SRGAP1: variants seen among roughly 807,000 people sequenced by gnomAD.
SRGAP1 encodes the protein SLIT-ROBO Rho GTPase-activating protein 1.
SRGAP1 carries 43 observed loss-of-function variants against 121.9 expected under a neutral mutation model. The ratio of observed to expected loss-of-function variants is 0.35; its 90% CI spans 0.28 to 0.46. The LOEUF is 0.46. Ranked by LOEUF, SRGAP1 falls within the 20% of genes least tolerant of loss-of-function variation. The pLI is 1.00. For synonymous variants in SRGAP1, 447 were observed against 485.4 expected (o/e 0.92, Z 1.04); for missense variants, 1,102 against 1,350.9 (o/e 0.82, Z 2.89).
chr12:64,091,439 C>G lies in SRGAP1; in HGVS notation c.1539+61C>G, dbSNP rs1163096438. 8 of 1,265,384 alleles carry G rather than the reference C, an allele frequency of 6.3e-6. No individual in the cohort carries two copies. The Admixed American group carries it at 1.5e-4, about 24-fold the overall frequency. 78.4% of individuals were successfully genotyped at this position (1,265,384 alleles called of 1,614,324 possible). A position where few individuals can be genotyped will look rare whatever the true frequency, so the allele number is the denominator to read the frequency against. On this transcript the variant is annotated intron_variant, in intron 12 of 21. Transcript: ENST00000355086. ...TGCTTCTTACTATAATGGTCTCAGC[C>G]TCTTGTAAGAGGAGGAAGGTCATTA...
At chr12:63,908,579 A>T (rs552313260) in intron 1 of SRGAP1, among the ~76,000 whole-genome samples, 1 of 152,258 alleles carries the variant, frequency 6.6e-6, no homozygotes, top group East Asian at 1.9e-4. Context: ...TAGTAGAGAC[A>T]GGGTTTCACC....
chr12:64,041,395 ATTTT>A (rs869132075), intron 4 of SRGAP1, among the ~76,000 whole-genome samples: 3,703 of 114,750 alleles, frequency 0.032, 160 homozygotes, highest in African/African-American at 0.12. Flanking sequence ...TTATTTATTT[ATTTT>A]TTTGAGGCAA....
intron 1 of SRGAP1, among the ~76,000 whole-genome samples, chr12:63,853,915 C>A (rs1592883193): frequency 1.3e-5 from 2 of 152,276 alleles, no homozygotes; most frequent in Admixed American, 1.3e-4. Context: ...CATGGGACAA[C>A]CAAATTTCTC....
chr12:64,087,034 A>C lies in SRGAP1; in HGVS notation c.1436+8A>C, dbSNP rs766324747. 1 of 1,582,736 alleles carries C rather than the reference A, an allele frequency of 6.3e-7. No homozygotes were observed. Among genetic ancestry groups the C allele is most frequent in the Non-Finnish European group, 8.6e-7 (1 of 1,160,646 alleles). On this transcript the variant is annotated splice_region_variant and intron_variant, in intron 11 of 21. Transcript: ENST00000355086. ...TGAATATATGACTACAAGGTAGGAA[A>C]ATATTTTATCATAACTTATAGCGTA...
chr12:64,024,596 A>C (rs1223932407), intron 4 of SRGAP1, among the ~76,000 whole-genome samples: 1 of 152,126 alleles, frequency 6.6e-6, no homozygotes, highest in African/African-American at 2.4e-5. Flanking sequence ...GCTCCATTCG[A>C]CTTTGTTTTC....
At chr12:63,862,396 C>T (rs114493304) in intron 1 of SRGAP1, among the ~76,000 whole-genome samples, 280 of 152,228 alleles carry the variant, frequency 1.8e-3, no homozygotes, top group African/African-American at 6.4e-3. Flanking sequence ...TCCAGCAGTT[C>T]TTAAAGCATT....
chr12:63,941,163 T>C lies in SRGAP1; in HGVS notation c.68-42784T>C, dbSNP rs187423581. 1.4e-3 allele frequency among the ~76,000 whole-genome samples: 209 copies of C among 151,640 alleles called. 4 individuals are homozygous for C. The East Asian group carries it at 0.035, about 26-fold the overall frequency. ...ATATTAAATTAGTCTTTAATATATA[T>C]TTAATATATATTAATTAGCTTTCTT... On this transcript the variant is annotated intron_variant, in intron 1 of 21. Transcript: ENST00000355086.
At chr12:64,097,497 T>A in intron 15 of SRGAP1, 122 bp downstream of exon 15, 1 of 1,064,592 alleles carries the variant, frequency 9.4e-7, no homozygotes, top group Non-Finnish European at 1.3e-6. Flanking sequence ...ACCATATTTC[T>A]GGGACCATTT....
intron 3 of SRGAP1, among the ~76,000 whole-genome samples, chr12:64,008,601 C>T (rs1350468942): frequency 1.3e-5 from 2 of 152,066 alleles, no homozygotes; most frequent in African/African-American, 4.8e-5. Flanking sequence ...TTTGAAGATG[C>T]GTAAATCAGA....
At chr12:63,877,942 G>T (rs1274079648) in intron 1 of SRGAP1, among the ~76,000 whole-genome samples, 2 of 152,324 alleles carry the variant, frequency 1.3e-5, no homozygotes, top group South Asian at 4.1e-4. Flanking sequence ...TTACATAGTT[G>T]ATGATAGAGC....
intron 4 of SRGAP1, among the ~76,000 whole-genome samples, chr12:64,019,239 C>G (rs898663410): frequency 6.6e-6 from 1 of 152,080 alleles, no homozygotes; most frequent in Non-Finnish European, 1.5e-5. Context: ...TCCAGCCTAT[C>G]GATTGCACCT....
intron 1 of SRGAP1, among the ~76,000 whole-genome samples, chr12:63,900,047 T>A (rs1900884973): frequency 6.6e-6 from 1 of 152,134 alleles, no homozygotes; most frequent in Non-Finnish European, 1.5e-5. Flanking sequence ...TAAATTGTAG[T>A]CTTAAACTGT....
At chr12:63,923,575 T>C (rs1367844142) in intron 1 of SRGAP1, among the ~76,000 whole-genome samples, 4 of 152,210 alleles carry the variant, frequency 2.6e-5, no homozygotes, top group Non-Finnish European at 5.9e-5. Context: ...CTAATCAAAA[T>C]TATCTGCTTC....
At chr12:63,914,516 G>A (rs2073967861) in intron 1 of SRGAP1, among the ~76,000 whole-genome samples, 1 of 152,160 alleles carries the variant, frequency 6.6e-6, no homozygotes, top group Admixed American at 6.5e-5. Flanking sequence ...TTTTTATGAA[G>A]ATAATAAAAT....
intron 1 of SRGAP1, among the ~76,000 whole-genome samples, chr12:63,918,670 G>C (rs2030900279): frequency 6.6e-6 from 1 of 152,186 alleles, no homozygotes; most frequent in Non-Finnish European, 1.5e-5. Flanking sequence ...GCCTACCTCG[G>C]TCTCCTAAAG....
At chr12:63,957,263 C>G (rs1438240931) in intron 1 of SRGAP1, among the ~76,000 whole-genome samples, 1 of 152,178 alleles carries the variant, frequency 6.6e-6, no homozygotes, top group Admixed American at 6.5e-5. Flanking sequence ...CCTAACTGGT[C>G]CAGGTGAAGA....
At chr12:64,130,576 G>A (rs960923859) in intron 21 of SRGAP1, among the ~76,000 whole-genome samples, 1 of 152,158 alleles carries the variant, frequency 6.6e-6, no homozygotes, top group Admixed American at 6.5e-5. Context: ...GCCCTGCAAA[G>A]TATTGTCACC....
At position 64,142,776 on chromosome 12, in the gene SRGAP1, T is replaced by C. The variant is rs1293648311; in HGVS notation, c.*104T>C. ...CTTTCCTTAGTTTTGTGCTTATAAC[T>C]GGAGATCTTTTGGCTTTTCTATGTT... On this transcript the variant is annotated 3_prime_UTR_variant, in exon 22 of 22. Transcript: ENST00000355086. 6.9e-7 allele frequency: 1 copy of C among 1,458,380 alleles called. No individual in the cohort carries two copies. Among genetic ancestry groups the C allele is most frequent in the Non-Finnish European group, 9.2e-7 (1 of 1,088,902 alleles). The allele number at this position is 1,458,380 out of a possible 1,614,324, so 90.3% of individuals were successfully genotyped here.
intron 17 of SRGAP1, among the ~76,000 whole-genome samples, chr12:64,114,753 TTC>T (rs1486219580): frequency 6.6e-6 from 1 of 152,234 alleles, no homozygotes; most frequent in Non-Finnish European, 1.5e-5. Context: ...ATTATTTATA[TTC>T]TAGGACATTT....
Sources: allele counts gnomAD v4.1 joint callset (sites outside exome capture counted in the v4.1 genomes callset), GRCh38; gene constraint gnomAD v4.1.1; transcripts MANE v1.5; gene names NCBI Gene and HGNC (gene_info 2026-07-23, HGNC 2026-07-21).